The following PRICKLE2 variants were observed in gnomAD, a reference collection of about 807,000 sequenced individuals.
PRICKLE2 encodes prickle-like protein 2.
Under a neutral mutation model 81.4 loss-of-function variants are expected in PRICKLE2, and 21 were observed. The observed-to-expected ratio is 0.26, with a 90% CI of 0.18 to 0.37. PRICKLE2 has a LOEUF of 0.37. Among genes scored for constraint, PRICKLE2 ranks in the 10% least tolerant of loss-of-function variants. PRICKLE2 has a pLI of 1.00. For missense variants in PRICKLE2, 940 were observed against 1,109.0 expected (o/e 0.85, Z 2.16); for synonymous variants, 456 against 421.5 (o/e 1.08, Z -1.00).
Position 64,181,620 on chromosome 3 carries a change from AC to A in PRICKLE2, c.144+17163del, listed in dbSNP as rs796604720. ...GAAAATGGATTGAAAAGAAAAAAAA[AC>A]AATCTTAACTTTTCTACCACATGTT... On this transcript the variant is annotated intron_variant, in intron 2 of 7. Coordinates refer to ENST00000638394, the MANE Select transcript of PRICKLE2 (RefSeq NM_198859.4). Among the ~76,000 whole-genome samples, 42 of 152,290 alleles carry A rather than the reference AC, an allele frequency of 2.8e-4. 1 individual carries two copies. Among genetic ancestry groups the A allele is most frequent in the Admixed American group, 8.5e-4 (13 of 15,290 alleles).
intron 7 of PRICKLE2, among the ~76,000 whole-genome samples, chr3:64,124,581 A>T (rs922657689): frequency 2.0e-5 from 3 of 151,714 alleles, no homozygotes; most frequent in African/African-American, 7.2e-5. Context: ...TTTAAGTTGA[A>T]GCTAATGCTC....
At chr3:64,237,772 T>C (rs1302889095) in intron 2 of PRICKLE2, among the ~76,000 whole-genome samples, 1 of 152,170 alleles carries the variant, frequency 6.6e-6, no homozygotes, top group African/African-American at 2.4e-5. Context: ...GTCCATATCA[T>C]AAGGAGACAG....
At chr3:64,170,160 G>C (rs2077905248) in intron 2 of PRICKLE2, among the ~76,000 whole-genome samples, 1 of 152,128 alleles carries the variant, frequency 6.6e-6, no homozygotes. Flanking sequence ...ATTTTAATTG[G>C]TTTACTCAGG....
At chr3:64,193,978 G>A (rs1362336874) in intron 2 of PRICKLE2, among the ~76,000 whole-genome samples, 1 of 152,206 alleles carries the variant, frequency 6.6e-6, no homozygotes, top group Non-Finnish European at 1.5e-5. Context: ...CTAATGCACA[G>A]GCAAAAAGGT....
intron 4 of PRICKLE2, 108 bp downstream of exon 4, chr3:64,159,832 C>T (rs2077700859): frequency 1.4e-6 from 2 of 1,415,990 alleles, no homozygotes; most frequent in Admixed American, 1.7e-5. Context: ...TTGTTCACTA[C>T]TGTATCTCAG....
intron 1 of PRICKLE2, among the ~76,000 whole-genome samples, chr3:64,215,264 T>G (rs908093900): frequency 6.6e-6 from 1 of 152,182 alleles, no homozygotes; most frequent in Non-Finnish European, 1.5e-5. Flanking sequence ...TATTTGTCCT[T>G]TGAATTTGCC....
intron 2 of PRICKLE2, chr3:64,187,551 T>A (rs1356235546): frequency 6.6e-6 from 1 of 152,276 alleles, no homozygotes; most frequent in Admixed American, 6.5e-5. Context: ...TCCATTTTGA[T>A]CTCAGCATGT....
At chr3:64,138,090 G>C (rs2077304438) in intron 7 of PRICKLE2, among the ~76,000 whole-genome samples, 1 of 151,626 alleles carries the variant, frequency 6.6e-6, no homozygotes, top group Non-Finnish European at 1.5e-5. Context: ...TTTAGAGGAG[G>C]GGATCAGATA....
At chr3:64,202,638 T>TTGTGTG (rs1442686594) in intron 1 of PRICKLE2, among the ~76,000 whole-genome samples, 5 of 69,072 alleles carry the variant, frequency 7.2e-5, no homozygotes, top group South Asian at 8.1e-4. Context: ...GTTTAGGTAC[T>TTGTGTG]TGTGTGCGTG....
intron 1 of PRICKLE2, among the ~76,000 whole-genome samples, chr3:64,206,092 A>G (rs1342964501): frequency 6.6e-6 from 1 of 152,228 alleles, no homozygotes; most frequent in African/African-American, 2.4e-5. Flanking sequence ...ACTCTTAGAT[A>G]AATAATAATT....
rs188763352 is a variant in PRICKLE2, at chr3:64,162,988, T to C, written c.258+28A>G. The C allele has an allele frequency of 1.2e-5, 17 of 1,403,970 alleles. No individual in the cohort carries two copies. In the East Asian group the frequency reaches 3.4e-4, roughly 28 times the overall value. The allele number at this position is 1,403,970 out of a possible 1,614,324, so 87.0% of individuals were successfully genotyped here. The stretch of plus-strand genomic sequence containing the variant: ...AATTCATAGAAGGCACTAAGAAAAT[T>C]CTGCATAAGCCCCCTCTAGCCCCTT... On this transcript the variant is annotated intron_variant, in intron 3 of 7. Coordinates refer to ENST00000638394, the MANE Select transcript of PRICKLE2 (RefSeq NM_198859.4).
At position 64,153,182 on chromosome 3, in the gene PRICKLE2, C is replaced by G; in HGVS notation, c.787G>C (p.Gly263Arg). ...AGCTGACTGCCAAATATTGCCTCAC[C>G]TATATGTTGGGCACAGGTGTCACAA... ...EYCDTCAQHI[G>R]IDQGQMTYDG... Residue 263 changes from glycine to arginine, a missense_variant and splice_region_variant, in exon 6 of 8, where the codon GGT becomes CGT. Transcript: ENST00000638394. The G allele has an allele frequency of 6.2e-7, 1 of 1,614,090 alleles. No homozygotes were observed. The highest frequency in any genetic ancestry group is 8.5e-7 in the Non-Finnish European group (1 of 1,179,956).
At chr3:64,171,494 T>C (rs2077930812) in intron 2 of PRICKLE2, among the ~76,000 whole-genome samples, 1 of 152,220 alleles carries the variant, frequency 6.6e-6, no homozygotes, top group Non-Finnish European at 1.5e-5. Flanking sequence ...AAAGAACTTA[T>C]CAGTTGTTGA....
chr3:64,205,152 T>C (rs1024017152), intron 1 of PRICKLE2, among the ~76,000 whole-genome samples: 1 of 150,504 alleles, frequency 6.6e-6, no homozygotes, highest in Non-Finnish European at 1.5e-5. Context: ...TCTGTCAGAG[T>C]TGACATTCTA....
At position 64,095,642 on chromosome 3, in the gene PRICKLE2, G is replaced by T. The variant is rs2076562168; in HGVS notation, c.*3409C>A. On this transcript the variant is annotated 3_prime_UTR_variant, in exon 8 of 8. Transcript: ENST00000638394. The stretch of plus-strand genomic sequence containing the variant: ...AAGCAGAAAGCTGCTGCAGAAGGAA[G>T]AAAACATAATCTTGTTATAGTGCAG... The T allele has an allele frequency of 6.6e-6, 1 of 152,210 alleles. No individual in the cohort carries two copies. Among genetic ancestry groups the T allele is most frequent in the African/African-American group, 2.4e-5 (1 of 41,444 alleles). The allele number at this position is 152,210 out of a possible 1,614,324, so 9.4% of individuals were successfully genotyped here.
At chr3:64,107,594 C>A (rs193079213) in intron 7 of PRICKLE2, among the ~76,000 whole-genome samples, 1 of 152,122 alleles carries the variant, frequency 6.6e-6, no homozygotes, top group African/African-American at 2.4e-5. Context: ...ATAAGCCCAG[C>A]GCTTTGGGAA....
At chr3:64,253,781 T>C (rs1322244390) in intron 2 of PRICKLE2, among the ~76,000 whole-genome samples, 1 of 152,128 alleles carries the variant, frequency 6.6e-6, no homozygotes, top group Admixed American at 6.5e-5. Flanking sequence ...TTATCACAGT[T>C]AAACTAATCA....
intron 7 of PRICKLE2, among the ~76,000 whole-genome samples, chr3:64,132,002 C>A (rs1027994876): frequency 1.4e-4 from 21 of 152,252 alleles, no homozygotes; most frequent in African/African-American, 5.1e-4. Context: ...TCTCAACACA[C>A]TGGCCTCCTT....
At chr3:64,149,231 C>T (rs370987915) in intron 6 of PRICKLE2, among the ~76,000 whole-genome samples, 93 of 152,314 alleles carry the variant, frequency 6.1e-4, no homozygotes, top group African/African-American at 2.1e-3. Flanking sequence ...CATTTCCCTG[C>T]CATCTTCAGG....
Sources: allele counts gnomAD v4.1 joint callset (sites outside exome capture counted in the v4.1 genomes callset), GRCh38; gene constraint gnomAD v4.1.1; transcripts MANE v1.5; gene names NCBI Gene and HGNC (gene_info 2026-07-23, HGNC 2026-07-21).